The following ADAMTS18 variants were observed in gnomAD, a reference collection of about 807,000 sequenced individuals.
The protein encoded by ADAMTS18 is A disintegrin and metalloproteinase with thrombospondin motifs 18.
A neutral mutation model predicts 165.9 loss-of-function variants in ADAMTS18; 157 were observed. That is an observed-to-expected ratio of 0.95 (90% CI 0.83 to 1.08). The LOEUF (loss-of-function observed/expected upper bound fraction) is 1.08, where lower values mean the gene tolerates loss of function less well. Among genes scored for constraint, ADAMTS18 ranks in the 50% least tolerant of loss-of-function variants. The probability of loss-of-function intolerance (pLI) is 0.00; values close to 1 mark genes in which losing one functional copy is unlikely to be tolerated. For synonymous variants in ADAMTS18, 782 were observed against 578.2 expected (o/e 1.35, Z -5.06); for missense variants, 2,040 against 1,534.0 (o/e 1.33, Z -5.51).
At chr16:77,287,305 C>A (rs961736299) in intron 22 of ADAMTS18, among the ~76,000 whole-genome samples, 3 of 152,120 alleles carry the variant, frequency 2.0e-5, no homozygotes, top group Admixed American at 6.6e-5. Flanking sequence ...TACACTCAAA[C>A]GACATTCATA....
intron 12 of ADAMTS18, among the ~76,000 whole-genome samples, chr16:77,335,334 A>T (rs1297744685): frequency 6.6e-6 from 1 of 151,358 alleles, no homozygotes; most frequent in Non-Finnish European, 1.5e-5. Flanking sequence ...CAGAGCTGGG[A>T]AGGGTAGTGG....
chr16:77,366,391 C>G (rs997859384), intron 4 of ADAMTS18, among the ~76,000 whole-genome samples: 1 of 152,170 alleles, frequency 6.6e-6, no homozygotes. Context: ...AACCCCATCT[C>G]TACTAAAAAT....
At chr16:77,297,539 T>G in intron 17 of ADAMTS18, 124 bp from the exon 18 acceptor site, 1 of 990,148 alleles carries the variant, frequency 1.0e-6, no homozygotes. Context: ...CCAAATATTT[T>G]GTGGAACGCT....
intron 3 of ADAMTS18, among the ~76,000 whole-genome samples, chr16:77,370,790 G>GATATATATATATATATATAT (rs148727471): frequency 8.7e-4 from 128 of 147,024 alleles, no homozygotes; most frequent in African/African-American, 3.0e-3. Context: ...TAATAGCTAC[G>GATATATATATATATATATAT]ATATATATAT....
At chr16:77,383,803 A>T (rs2057067504) in intron 3 of ADAMTS18, among the ~76,000 whole-genome samples, 1 of 152,054 alleles carries the variant, frequency 6.6e-6, no homozygotes, top group Non-Finnish European at 1.5e-5. Flanking sequence ...GACCTCCCAA[A>T]GCGCTGGGAT....
chr16:77,302,904 C>G (rs2055611856), intron 16 of ADAMTS18, among the ~76,000 whole-genome samples: 1 of 152,148 alleles, frequency 6.6e-6, no homozygotes, highest in Non-Finnish European at 1.5e-5. Context: ...AAGAAAAAGA[C>G]TGTGATGATA....
At chr16:77,395,823 C>T (rs1252822379) in intron 3 of ADAMTS18, among the ~76,000 whole-genome samples, 1 of 151,804 alleles carries the variant, frequency 6.6e-6, no homozygotes, top group Non-Finnish European at 1.5e-5. Flanking sequence ...TTGGAAAAGC[C>T]TTTTGGTATT....
intron 16 of ADAMTS18, among the ~76,000 whole-genome samples, chr16:77,318,259 A>G (rs987061960): frequency 1.3e-5 from 2 of 152,172 alleles, no homozygotes; most frequent in African/African-American, 2.4e-5. Context: ...AGAGCAAACT[A>G]TCTATTTCCC....
intron 8 of ADAMTS18, among the ~76,000 whole-genome samples, chr16:77,356,637 A>T (rs1288166519): frequency 6.6e-6 from 1 of 152,180 alleles, no homozygotes; most frequent in Admixed American, 6.5e-5. Context: ...CATTTTTTTA[A>T]CATGCTTGAA....
At chr16:77,345,341 T>C (rs928916623) in intron 10 of ADAMTS18, among the ~76,000 whole-genome samples, 3 of 152,230 alleles carry the variant, frequency 2.0e-5, no homozygotes, top group East Asian at 1.9e-4. Flanking sequence ...TATATTCCCA[T>C]TGGTTCTGGT....
At chr16:77,326,528 A>C (rs1477672382) in intron 12 of ADAMTS18, among the ~76,000 whole-genome samples, 1 of 152,058 alleles carries the variant, frequency 6.6e-6, no homozygotes, top group East Asian at 1.9e-4. Flanking sequence ...GACTGGAGGC[A>C]TGCACCACTA....
chr16:77,423,692 C>T (rs1211409747), intron 3 of ADAMTS18, among the ~76,000 whole-genome samples: 1 of 152,090 alleles, frequency 6.6e-6, no homozygotes, highest in Non-Finnish European at 1.5e-5. Context: ...TGAATTGATG[C>T]AAATCATTAT....
At chr16:77,300,635 A>G (rs867148138) in intron 16 of ADAMTS18, among the ~76,000 whole-genome samples, 3 of 152,108 alleles carry the variant, frequency 2.0e-5, no homozygotes, top group African/African-American at 7.2e-5. Flanking sequence ...AAAGAGCAAA[A>G]CACGATTGAC....
intron 18 of ADAMTS18, among the ~76,000 whole-genome samples, chr16:77,295,616 T>C (rs544932488): frequency 1.3e-5 from 2 of 152,286 alleles, no homozygotes; most frequent in East Asian, 1.9e-4. Context: ...CAGTCATCAA[T>C]GAGAGAGAAA....
rs372303972 is a variant in ADAMTS18, at chr16:77,283,986, T to C, written c.3636A>G (p.Gln1212=). The C allele has an allele frequency of 2.6e-5, 42 of 1,613,942 alleles. No homozygotes were observed. The highest frequency in any genetic ancestry group is 3.2e-5 in the Non-Finnish European group (38 of 1,179,938). ...TCTTCCTTGTGCATGACTTGCAGCA[T>C]TGTTTTCCGTAAAACTTGTGGTTGC... is the stretch of plus-strand genomic sequence containing the variant. ...GVCNHKFYGK[Q]CCKSCTRKI is the part of the protein sequence containing the mutation. Residue 1212 remains glutamine, a synonymous_variant, in exon 23 of 23, where the codon CAA becomes CAG. Transcript: ENST00000282849.
chr16:77,409,765 T>C (rs1403728260), intron 3 of ADAMTS18, among the ~76,000 whole-genome samples: 2 of 152,072 alleles, frequency 1.3e-5, no homozygotes, highest in African/African-American at 4.8e-5. Context: ...GGAGGAAAAA[T>C]GCTCCATTTT....
At position 77,431,521 on chromosome 16, in the gene ADAMTS18, G is replaced by A. The variant is rs758362638; in HGVS notation, c.269C>T (p.Ala90Val). The stretch of plus-strand genomic sequence containing the variant: ...GTGCAGGGAGCTTCTGGCATTCTGC[G>A]CCGATCGCTTTTTCCTGCCGTTGTG... The part of the protein sequence containing the change: ...ILHNGRKKRS[A>V]QNARSSLHYR... The change falls in exon 3 of 23, where the codon GCG becomes GTG. Residue 90 changes from alanine (A) to valine (V), a missense_variant. By Grantham distance (64) the Ala-to-Val change is moderately conservative. Transcript: ENST00000282849. 37 of 1,614,010 alleles carry A rather than the reference G, an allele frequency of 2.3e-5. No individual in the cohort carries two copies. The highest frequency in any genetic ancestry group is 1.8e-4 in the East Asian group (8 of 44,894).
chr16:77,300,538 G>C, intron 16 of ADAMTS18, 134 bp from the exon 17 acceptor site: 1 of 1,039,470 alleles, frequency 9.6e-7, no homozygotes, highest in South Asian at 1.3e-5. Flanking sequence ...TTGTTCCCAA[G>C]TATGTTTTAT....
intron 3 of ADAMTS18, among the ~76,000 whole-genome samples, chr16:77,400,257 C>G (rs1214588202): frequency 6.6e-6 from 1 of 152,094 alleles, no homozygotes; most frequent in African/African-American, 2.4e-5. Flanking sequence ...CACATCCCAC[C>G]TAGAGCCAGC....
Sources: allele counts gnomAD v4.1 joint callset (sites outside exome capture counted in the v4.1 genomes callset), GRCh38; gene constraint gnomAD v4.1.1; transcripts MANE v1.5; gene names NCBI Gene and HGNC (gene_info 2026-07-23, HGNC 2026-07-21).